The following RNF150 variants were observed in gnomAD, a reference collection of about 807,000 sequenced individuals.
RNF150 encodes ring finger protein 150.
Under a neutral mutation model 39.3 loss-of-function variants are expected in RNF150, and 24 were observed. The observed-to-expected ratio is 0.61, with a 90% CI of 0.44 to 0.86. The LOEUF (loss-of-function observed/expected upper bound fraction) is 0.86. Among genes scored for constraint, RNF150 ranks in the 40% least tolerant of loss-of-function variants. The probability of loss-of-function intolerance (pLI) is 0.00; values close to 1 mark genes in which losing one functional copy is unlikely to be tolerated. For synonymous variants in RNF150, 255 were observed against 227.3 expected, an observed-to-expected ratio of 1.12 and a Z score of -1.10; for missense variants, 502 against 587.8, an observed-to-expected ratio of 0.85 and a Z score of 1.51.
At chr4:141,072,635 C>T (rs1737749775) in intron 1 of RNF150, among the ~76,000 whole-genome samples, 2 of 152,138 alleles carry the variant, frequency 1.3e-5, no homozygotes, top group African/African-American at 2.4e-5. Context: ...ATAATTACAT[C>T]TTTAAAAACT....
rs1473724032 is a variant in RNF150, at chr4:140,921,993, C to T, written c.987+3984G>A. Among the ~76,000 whole-genome samples, 4 of 145,096 alleles carry T rather than the reference C, an allele frequency of 2.8e-5. No individual in the cohort carries two copies. The South Asian group carries it at 7.2e-4, about 26-fold the overall frequency. On this transcript the variant is annotated intron_variant, in intron 5 of 6. Transcript: ENST00000515673. ...TCAAAATAATAAGAGCTATCTATGACAAACCCACAGCCAATATCATATTGA... is the reference window on the plus strand; with the variant it reads ...TCAAAATAATAAGAGCTATCTATGATAAACCCACAGCCAATATCATATTGA...
chr4:141,171,264 T>A (rs1727714649), intron 1 of RNF150, among the ~76,000 whole-genome samples: 1 of 152,192 alleles, frequency 6.6e-6, no homozygotes, highest in South Asian at 2.1e-4. Context: ...GGACCCTAGA[T>A]CTTCTCATGC....
In RNF150 at chr4:140,967,706, C is replaced by T. The variant is rs1733300418; in HGVS notation, c.652G>A (p.Val218Ile). Residue 218 changes from valine to isoleucine, a missense_variant, in exon 2 of 7, where the codon GTC becomes ATC. Coordinates refer to ENST00000515673, the MANE Select transcript of RNF150 (RefSeq NM_020724.2). ...SVVFVSISFIVLMIISLAWLV... is the reference protein window; with the variant it reads ...SVVFVSISFIILMIISLAWLV... ...CATGCGAGGGAAATGATCATCAGGA[C>T]AATGAAGGAGATGGAGACAAACACA... 6.2e-7 allele frequency: 1 copy of T among 1,613,510 alleles called. No homozygotes were observed. The highest frequency in any genetic ancestry group is 8.5e-7 in the Non-Finnish European group (1 of 1,179,620).
intron 1 of RNF150, among the ~76,000 whole-genome samples, chr4:141,068,442 T>C (rs143327865): frequency 6.6e-6 from 1 of 152,212 alleles, no homozygotes; most frequent in Non-Finnish European, 1.5e-5. Flanking sequence ...ACCAGTACCA[T>C]GCTGTTTTGG....
chr4:140,923,884 C>T (rs920226222), intron 5 of RNF150, among the ~76,000 whole-genome samples: 1 of 151,916 alleles, frequency 6.6e-6, no homozygotes, highest in Non-Finnish European at 1.5e-5. Flanking sequence ...AAAAACCAAA[C>T]ACAGCATGTT....
At chr4:141,099,324 G>A (rs1186319399) in intron 1 of RNF150, among the ~76,000 whole-genome samples, 1 of 152,074 alleles carries the variant, frequency 6.6e-6, no homozygotes, top group East Asian at 1.9e-4. Flanking sequence ...AAGCAGTAGA[G>A]AAATTATTTA....
At chr4:140,974,482 T>G (rs907187916) in intron 1 of RNF150, among the ~76,000 whole-genome samples, 1 of 152,212 alleles carries the variant, frequency 6.6e-6, no homozygotes, top group African/African-American at 2.4e-5. Context: ...AGTTTTTGGA[T>G]GAATATAAAT....
intron 1 of RNF150, among the ~76,000 whole-genome samples, chr4:141,169,777 A>C (rs1216252302): frequency 6.7e-6 from 1 of 150,108 alleles, no homozygotes; most frequent in African/African-American, 2.4e-5. Context: ...TTTTTTTTTT[A>C]CATTTATGAG....
Position 140,911,180 on chromosome 4 carries a change from T to G in RNF150, c.1162A>C (p.Ile388Leu), listed in dbSNP as rs1730584307. The G allele has an allele frequency of 1.2e-6, 2 of 1,614,076 alleles. No individual in the cohort carries two copies. The highest frequency in any genetic ancestry group is 1.7e-6 in the Non-Finnish European group (2 of 1,179,996). ...AAGATGACGTCTCCCTCCTGGGGGA[T>G]GGGGTCTGTATCCTGGACCACCTGC... ...ALQVVQDTDPIPQEGDVIFTT... is the reference protein window; with the variant it reads ...ALQVVQDTDPLPQEGDVIFTT... The change falls in exon 6 of 7, where the codon ATC becomes CTC. Residue 388 changes from isoleucine (I) to leucine (L), a missense_variant. Ile to Leu is a conservative substitution (Grantham distance 5). Transcript: ENST00000515673.
At chr4:141,145,921 T>A (rs111606417) in intron 1 of RNF150, among the ~76,000 whole-genome samples, 1 of 152,322 alleles carries the variant, frequency 6.6e-6, no homozygotes, top group African/African-American at 2.4e-5. Context: ...AGGACAGATA[T>A]AGCATCAAAC....
intron 6 of RNF150, among the ~76,000 whole-genome samples, chr4:140,883,836 G>A (rs540811985): frequency 1.3e-5 from 2 of 152,186 alleles, no homozygotes; most frequent in African/African-American, 4.8e-5. Flanking sequence ...TTAGATTTGG[G>A]AAGCTTTCAG....
intron 1 of RNF150, among the ~76,000 whole-genome samples, chr4:141,154,642 T>C (rs2111146668): frequency 6.6e-6 from 1 of 152,288 alleles, no homozygotes; most frequent in East Asian, 1.9e-4. Context: ...ATCTGAAAAC[T>C]TAAGCAGCTA....
At chr4:141,146,830 A>G (rs994377831) in intron 1 of RNF150, among the ~76,000 whole-genome samples, 2 of 152,224 alleles carry the variant, frequency 1.3e-5, no homozygotes, top group African/African-American at 4.8e-5. Context: ...TGGAGGTTTA[A>G]GGAATCAATC....
intron 1 of RNF150, among the ~76,000 whole-genome samples, chr4:141,046,957 G>A (rs1736600455): frequency 6.6e-6 from 1 of 151,898 alleles, no homozygotes; most frequent in African/African-American, 2.4e-5. Flanking sequence ...CACACCAAAA[G>A]GAAAAAAATA....
intron 4 of RNF150, among the ~76,000 whole-genome samples, chr4:140,929,567 C>G (rs112716384): frequency 2.0e-5 from 3 of 151,662 alleles, no homozygotes; most frequent in African/African-American, 7.3e-5. Context: ...GGGGTTTCAT[C>G]GTGTTGGCCA....
At chr4:141,024,929 A>T (rs1735640220) in intron 1 of RNF150, among the ~76,000 whole-genome samples, 1 of 152,198 alleles carries the variant, frequency 6.6e-6, no homozygotes, top group Admixed American at 6.5e-5. Flanking sequence ...AAGAATAGGG[A>T]GTCTGGTTAA....
intron 1 of RNF150, among the ~76,000 whole-genome samples, chr4:141,201,165 T>A (rs549642800): frequency 1.3e-5 from 2 of 152,162 alleles, no homozygotes; most frequent in South Asian, 2.1e-4. Flanking sequence ...AGACGAATGT[T>A]CTGGGACCAC....
At chr4:140,885,192 A>G (rs1393483615) in intron 6 of RNF150, among the ~76,000 whole-genome samples, 2 of 145,824 alleles carry the variant, frequency 1.4e-5, no homozygotes, top group Non-Finnish European at 3.0e-5. Context: ...CATTTTTTCC[A>G]ACATCAGTCT....
At chr4:140,931,403 A>G (rs1731630987) in intron 4 of RNF150, among the ~76,000 whole-genome samples, 2 of 152,244 alleles carry the variant, frequency 1.3e-5, no homozygotes, top group Non-Finnish European at 2.9e-5. Context: ...TGATCATCAA[A>G]TATGAAAACT....
Sources: gnomAD v4.1 joint callset for allele counts (sites outside exome capture counted in the v4.1 genomes callset) on GRCh38, gnomAD v4.1.1 for gene constraint, MANE v1.5 for transcripts, NCBI Gene and HGNC (gene_info 2026-07-23, HGNC 2026-07-21) for gene names.